KDSR: variants seen among roughly 807,000 people sequenced by gnomAD.
KDSR encodes the protein 3-dehydrosphinganine reductase.
Under a neutral mutation model 41.3 loss-of-function variants are expected in KDSR, and 23 were observed. That is an observed-to-expected ratio of 0.56 (90% CI 0.40 to 0.79). The LOEUF (loss-of-function observed/expected upper bound fraction) is 0.79, where lower values mean the gene tolerates loss of function less well. Among genes scored for constraint, KDSR ranks in the 30% least tolerant of loss-of-function variants. The pLI is 0.00. For missense variants in KDSR, 351 were observed against 416.8 expected (o/e 0.84, Z 1.37); for synonymous variants, 138 against 151.7 (o/e 0.91, Z 0.66).
At chr18:63,333,623 CTG>C (rs1247049565) in intron 9 of KDSR, among the ~76,000 whole-genome samples, 1 of 152,186 alleles carries the variant, frequency 6.6e-6, no homozygotes. Flanking sequence ...AATGCAGACT[CTG>C]TGCAGCTAAA....
rs1914129149 is a variant in KDSR at position 63,335,561 on chromosome 18, C to G, written c.778-203G>C. 2.1e-5 allele frequency: 11 copies of G among 527,424 alleles called. No homozygotes were observed. In the South Asian group the frequency reaches 2.6e-4, roughly 12 times the overall value. The allele number at this position is 527,424 out of a possible 1,614,324, so 32.7% of individuals were successfully genotyped here. A position where few individuals can be genotyped will look rare whatever the true frequency, so the allele number is the denominator to read the frequency against. ...AAGTGAGTCCACGGACCCCTGCGGG[C>G]CCCCAAGGACAAATGATTGTCCTAA... On this transcript the variant is annotated intron_variant, in intron 8 of 9. Transcript: ENST00000645214.
At position 63,335,295 on chromosome 18, in the gene KDSR, T is replaced by TC; in HGVS notation, c.840dup (p.Met281AspfsTer9). 1 of 1,613,986 alleles carries TC rather than the reference T, an allele frequency of 6.2e-7. No individual in the cohort carries two copies. The highest frequency in any genetic ancestry group is 8.5e-7 in the Non-Finnish European group (1 of 1,179,916). Reference sequence around the variant, plus strand: ...TCAGTAATAGAAGTTACTGGAGCCATCCCACAGGTCAGGGCCGAGAGCATG... The same window carrying TC: ...TCAGTAATAGAAGTTACTGGAGCCATCCCCACAGGTCAGGGCCGAGAGCATG... On this transcript the variant is annotated frameshift_variant, in exon 9 of 10. Transcript: ENST00000645214. LOFTEE classifies it high-confidence loss of function.
chr18:63,347,352 C>A (rs556850592), intron 6 of KDSR, among the ~76,000 whole-genome samples: 3 of 151,576 alleles, frequency 2.0e-5, no homozygotes, highest in Non-Finnish European at 4.4e-5. Flanking sequence ...AAAAATTAGC[C>A]GGGCATGGTG....
intron 6 of KDSR, among the ~76,000 whole-genome samples, chr18:63,349,875 T>G (rs2850756): frequency 0.61 from 92,132 of 152,206 alleles, 30,027 homozygotes; most frequent in Non-Finnish European, 0.72. Flanking sequence ...TATCATAGCC[T>G]ACTTAAGTAG....
chr18:63,360,690 C>G (rs1298857680), intron 2 of KDSR, among the ~76,000 whole-genome samples: 1 of 151,954 alleles, frequency 6.6e-6, no homozygotes, highest in Non-Finnish European at 1.5e-5. Flanking sequence ...TGAGACCAGC[C>G]TGGGCAACAT....
intron 7 of KDSR, 78 bp downstream of exon 7, chr18:63,344,332 T>C: frequency 1.0e-6 from 1 of 958,298 alleles, no homozygotes; most frequent in Non-Finnish European, 1.7e-6. Context: ...TGAAAACGAG[T>C]GTGAGCTGAA....
At chr18:63,358,804 G>T (rs1914875027) in intron 3 of KDSR, among the ~76,000 whole-genome samples, 1 of 89,748 alleles carries the variant, frequency 1.1e-5, no homozygotes, top group Admixed American at 1.8e-4. Flanking sequence ...GACAGAGAGA[G>T]ACTCTGTCTC....
intron 2 of KDSR, among the ~76,000 whole-genome samples, chr18:63,360,760 T>G (rs554856392): frequency 1.3e-5 from 2 of 151,078 alleles, no homozygotes; most frequent in South Asian, 4.2e-4. Flanking sequence ...GGCGAGCACC[T>G]GTGGTCCCAG....
intron 6 of KDSR, among the ~76,000 whole-genome samples, chr18:63,348,762 T>C (rs1914586118): frequency 6.6e-6 from 1 of 152,168 alleles, no homozygotes; most frequent in African/African-American, 2.4e-5. Context: ...ACCCAGATTA[T>C]ATACTTTGCT....
chr18:63,341,290 A>G (rs2144355238), intron 7 of KDSR, among the ~76,000 whole-genome samples: 1 of 152,334 alleles, frequency 6.6e-6, no homozygotes, highest in Middle Eastern at 3.4e-3. Context: ...CCTTAGACAT[A>G]AGAGAAAATA....
intron 3 of KDSR, among the ~76,000 whole-genome samples, chr18:63,359,064 A>G (rs1417025539): frequency 6.7e-6 from 1 of 149,910 alleles, no homozygotes; most frequent in Non-Finnish European, 1.5e-5. Context: ...CTATAATCTC[A>G]GCTACTAGGG....
chr18:63,339,590 C>A (rs545969829), intron 7 of KDSR, among the ~76,000 whole-genome samples: 1 of 152,216 alleles, frequency 6.6e-6, no homozygotes, highest in African/African-American at 2.4e-5. Flanking sequence ...ACTCAAAAAG[C>A]CTTCCCTAAA....
In KDSR at chr18:63,328,620, A is replaced by C. The variant is rs1913880513; in HGVS notation, c.*3162T>G. 1 of 161,718 alleles carries C rather than the reference A, an allele frequency of 6.2e-6. No homozygotes were observed. The highest frequency in any genetic ancestry group is 1.4e-5 in the Non-Finnish European group (1 of 73,594). The allele number at this position is 161,718 out of a possible 1,614,324, so 10.0% of individuals were successfully genotyped here. ...CGTGATTCGCCTGTCTCAGCCTCCCAAAGTGCTGGGATTACTGGCGTGAGC... is the reference window on the plus strand; with the variant it reads ...CGTGATTCGCCTGTCTCAGCCTCCCCAAGTGCTGGGATTACTGGCGTGAGC... On this transcript the variant is annotated 3_prime_UTR_variant, in exon 10 of 10. Coordinates refer to ENST00000645214, the MANE Select transcript of KDSR (RefSeq NM_002035.4).
At position 63,329,700 on chromosome 18, in the gene KDSR, A is replaced by C. The variant is rs1241176346; in HGVS notation, c.*2082T>G. ...ACTGGAGGCAACAGGTTCTATGAGG[A>C]TAATTTGAAAAAATATATTGAAATA... On this transcript the variant is annotated 3_prime_UTR_variant, in exon 10 of 10. Coordinates refer to ENST00000645214, the MANE Select transcript of KDSR (RefSeq NM_002035.4). The C allele has an allele frequency of 1.5e-5, 3 of 193,802 alleles. No individual in the cohort carries two copies. Among genetic ancestry groups the C allele is most frequent in the African/African-American group, 4.6e-5 (2 of 43,114 alleles). 12.0% of individuals were successfully genotyped at this position (193,802 alleles called of 1,614,324 possible). A position where few individuals can be genotyped will look rare whatever the true frequency, so the allele number is the denominator to read the frequency against.
intron 3 of KDSR, among the ~76,000 whole-genome samples, chr18:63,356,811 G>GA (rs1333419053): frequency 6.6e-6 from 1 of 152,158 alleles, no homozygotes; most frequent in African/African-American, 2.4e-5. Context: ...AGGAATACGG[G>GA]AAAAAACGGG....
intron 6 of KDSR, 97 bp downstream of exon 6, chr18:63,350,786 CTAATT>C (rs978852768): frequency 2.3e-6 from 2 of 875,480 alleles, no homozygotes; most frequent in Non-Finnish European, 3.4e-6. Flanking sequence ...CTAAAAATCT[CTAATT>C]TAATACAACA....
At chr18:63,362,666 ACAT>A (rs1398761415) in intron 2 of KDSR, 110 bp downstream of exon 2, 1 of 677,308 alleles carries the variant, frequency 1.5e-6, no homozygotes, top group African/African-American at 1.8e-5. Context: ...AACACATCTC[ACAT>A]CAAGGAAGAA....
chr18:63,338,068 C>T (rs2144351799), intron 8 of KDSR, among the ~76,000 whole-genome samples: 1 of 152,354 alleles, frequency 6.6e-6, no homozygotes, highest in Admixed American at 6.5e-5. Flanking sequence ...CAAAGTTCTT[C>T]ACACATGTAT....
intron 6 of KDSR, among the ~76,000 whole-genome samples, chr18:63,349,997 A>C (rs901385135): frequency 1.1e-4 from 17 of 152,068 alleles, no homozygotes; most frequent in African/African-American, 4.1e-4. Context: ...CCAAAAGCAC[A>C]CTCTTACTAT....
Sources: gnomAD v4.1 joint callset for allele counts (sites outside exome capture counted in the v4.1 genomes callset) on GRCh38, gnomAD v4.1.1 for gene constraint, MANE v1.5 for transcripts, NCBI Gene and HGNC (gene_info 2026-07-23, HGNC 2026-07-21) for gene names.